C12orf56: variants seen among roughly 807,000 people sequenced by gnomAD.
The protein encoded by C12orf56 is uncharacterized protein C12orf56.
C12orf56 carries 71 observed loss-of-function variants against 69.9 expected under a neutral mutation model. That is an observed-to-expected ratio of 1.02 (90% CI 0.84 to 1.24). The LOEUF (loss-of-function observed/expected upper bound fraction) is 1.24. C12orf56 is among the 50% of genes most tolerant of loss of function. C12orf56 has a pLI of 0.00. For missense variants in C12orf56, 732 were observed against 738.5 expected (o/e 0.99, Z 0.10); for synonymous variants, 276 against 274.1 (o/e 1.01, Z -0.07).
chr12:64,341,667 C>A (rs1222743905), intron 2 of C12orf56, among the ~76,000 whole-genome samples: 1 of 152,136 alleles, frequency 6.6e-6, no homozygotes, highest in Non-Finnish European at 1.5e-5. Context: ...GCATTGAGTG[C>A]AGGATAGGCA....
intron 3 of C12orf56, among the ~76,000 whole-genome samples, chr12:64,325,310 G>A (rs1399885206): frequency 6.6e-6 from 1 of 150,888 alleles, no homozygotes; most frequent in African/African-American, 2.4e-5. Flanking sequence ...GCTTTAGTGA[G>A]CCATAATCAC....
At chr12:64,289,149 T>G (rs1217065227) in intron 6 of C12orf56, among the ~76,000 whole-genome samples, 4 of 125,430 alleles carry the variant, frequency 3.2e-5, no homozygotes, top group South Asian at 5.7e-4. Context: ...TGGCTCTCTG[T>G]TTGTCTGTTG....
chr12:64,313,133 G>A (rs895311758), intron 4 of C12orf56, among the ~76,000 whole-genome samples: 6 of 151,272 alleles, frequency 4.0e-5, no homozygotes, highest in African/African-American at 1.5e-4. Flanking sequence ...ATGGTGGCAG[G>A]TGCCTGTAGT....
chr12:64,363,809 T>C (rs1340654618), intron 1 of C12orf56, among the ~76,000 whole-genome samples: 1 of 152,168 alleles, frequency 6.6e-6, no homozygotes, highest in Non-Finnish European at 1.5e-5. Flanking sequence ...TCACCTTTAA[T>C]CCCCTGACCT....
Position 64,352,842 on chromosome 12 carries a change from A to G in C12orf56, c.415+52T>C, listed in dbSNP as rs2039248169. On this transcript the variant is annotated intron_variant, in intron 2 of 12. Coordinates refer to ENST00000543942, the MANE Select transcript of C12orf56 (RefSeq NM_001170633.2). ...CCTGCATCAATTTTAAGAAATATAT[A>G]TATATACTTTTTTTTTTGCCTTAGA... 3.4e-6 allele frequency: 5 copies of G among 1,459,470 alleles called. No individual in the cohort carries two copies. The East Asian group carries it at 7.3e-5, about 21-fold the overall frequency. The allele number at this position is 1,459,470 out of a possible 1,614,324, so 90.4% of individuals were successfully genotyped here. A position where few individuals can be genotyped will look rare whatever the true frequency, so the allele number is the denominator to read the frequency against.
rs2038505883 is a variant in C12orf56, at chr12:64,305,910, G to T, written c.969-2131C>A. Among the ~76,000 whole-genome samples, 5 of 152,242 alleles carry T rather than the reference G, an allele frequency of 3.3e-5. No homozygotes were observed. The South Asian group carries it at 1.0e-3, about 32-fold the overall frequency. On this transcript the variant is annotated intron_variant, in intron 5 of 12. Coordinates refer to ENST00000543942, the MANE Select transcript of C12orf56 (RefSeq NM_001170633.2). ...AACAAAAGAGCTTAGAAAAGCAAAA[G>T]CTCAGATAAGATACAATATCAGCAG... is the stretch of plus-strand genomic sequence containing the variant.
intron 9 of C12orf56, among the ~76,000 whole-genome samples, chr12:64,276,179 C>T (rs2038048997): frequency 6.6e-6 from 1 of 152,146 alleles, no homozygotes; most frequent in African/African-American, 2.4e-5. Flanking sequence ...ATTTACTCAA[C>T]AAATATGCAT....
intron 4 of C12orf56, among the ~76,000 whole-genome samples, chr12:64,315,080 T>A (rs951757152): frequency 4.0e-5 from 6 of 149,008 alleles, no homozygotes; most frequent in African/African-American, 1.5e-4. Context: ...GCTTCCTGAG[T>A]AACTGGGATT....
At chr12:64,331,125 T>G (rs2038924952) in intron 2 of C12orf56, 93 bp from the exon 3 acceptor site, 1 of 1,079,436 alleles carries the variant, frequency 9.3e-7, no homozygotes, top group East Asian at 2.7e-5. Flanking sequence ...AAATGACTGT[T>G]CATAAATCCT....
chr12:64,337,592 C>A (rs2039012497), intron 2 of C12orf56, among the ~76,000 whole-genome samples: 1 of 152,198 alleles, frequency 6.6e-6, no homozygotes, highest in Admixed American at 6.5e-5. Context: ...CACAGTGGCT[C>A]ATGCCTGTAA....
chr12:64,286,519 G>C (rs555220393), intron 6 of C12orf56, among the ~76,000 whole-genome samples: 2 of 152,342 alleles, frequency 1.3e-5, no homozygotes, highest in South Asian at 4.1e-4. Context: ...CTAGCTTATG[G>C]AAATGGTGCA....
rs143307753 is a variant in C12orf56, at chr12:64,319,275, C to A, written c.489-295G>T. Among the ~76,000 whole-genome samples, 7 of 152,212 alleles carry A rather than the reference C, an allele frequency of 4.6e-5. No individual in the cohort carries two copies. In the East Asian group the frequency reaches 1.4e-3, roughly 29 times the overall value. On this transcript the variant is annotated intron_variant, in intron 3 of 12. Transcript: ENST00000543942. The stretch of plus-strand genomic sequence containing the variant: ...AGTATTGTGCCTGTCCTTCATGGAG[C>A]CCTGATATTTCCACTGAAAGGACTT...
intron 1 of C12orf56, among the ~76,000 whole-genome samples, chr12:64,365,612 C>A (rs2039456264): frequency 6.7e-6 from 1 of 150,032 alleles, no homozygotes; most frequent in Non-Finnish European, 1.5e-5. Context: ...GCACAAAATA[C>A]AAAACAGCAG....
At position 64,267,615 on chromosome 12, in the gene C12orf56, C is replaced by T. The variant is rs2037932843; in HGVS notation, c.1764-327G>A. On this transcript the variant is annotated intron_variant, in intron 12 of 12. Coordinates refer to ENST00000543942, the MANE Select transcript of C12orf56 (RefSeq NM_001170633.2). ...GAGGTGTTGAAATGAAAGGGTCAAGCTGTGGTGACTACTAGGGCCAAGTCA... is the reference window on the plus strand; with the variant it reads ...GAGGTGTTGAAATGAAAGGGTCAAGTTGTGGTGACTACTAGGGCCAAGTCA... 4.7e-5 allele frequency: 12 copies of T among 252,960 alleles called. No individual in the cohort carries two copies. In the South Asian group the frequency reaches 7.0e-4, roughly 15 times the overall value. The allele number at this position is 252,960 out of a possible 1,614,324, so 15.7% of individuals were successfully genotyped here.
chr12:64,270,578 G>A lies in C12orf56; in HGVS notation c.1721C>T (p.Thr574Ile). The A allele has an allele frequency of 1.2e-6, 2 of 1,611,960 alleles. No individual in the cohort carries two copies. Reference protein sequence around the residue: ...ILKSCLRHSRTLAEYIRNNYR... With the variant: ...ILKSCLRHSRILAEYIRNNYR... ...GTTATTCCTAATATACTCAGCTAGA[G>A]TCCTGCTGTGCCGCAGACAGCTCTT... is the stretch of plus-strand genomic sequence containing the variant. Residue 574 changes from threonine (T) to isoleucine (I), a missense_variant, in exon 12 of 13, where the codon ACT becomes ATT. By Grantham distance (89) the Thr-to-Ile change is moderately conservative. Coordinates refer to ENST00000543942, the MANE Select transcript of C12orf56 (RefSeq NM_001170633.2).
Position 64,390,427 on chromosome 12 carries a change from T to TCTCA in C12orf56, c.135_138dup (p.Asn47Ter). On this transcript the variant is annotated stop_gained and frameshift_variant, in exon 1 of 13. Coordinates refer to ENST00000543942, the MANE Select transcript of C12orf56 (RefSeq NM_001170633.2). LOFTEE classifies it high-confidence loss of function. ...AGCACCACATACTTGAGGATGTGGT[T>TCTCA]CTCAGAGTTGGACACCACGATGCAT... 6.2e-7 allele frequency: 1 copy of TCTCA among 1,612,632 alleles called. No individual in the cohort carries two copies. Among genetic ancestry groups the TCTCA allele is most frequent in the South Asian group, 1.1e-5 (1 of 91,076 alleles).
In C12orf56 at chr12:64,380,104, CAAA is replaced by C. The variant is rs60079906; in HGVS notation, c.252+10207_252+10209del. 1.2e-3 allele frequency among the ~76,000 whole-genome samples: 59 copies of C among 49,954 alleles called. 1 individual carries two copies. Among genetic ancestry groups the C allele is most frequent in the African/African-American group, 5.5e-3 (49 of 8,900 alleles). The allele number at this position is 49,954 out of a possible 152,430, so 32.8% of individuals were successfully genotyped here. A position where few individuals can be genotyped will look rare whatever the true frequency, so the allele number is the denominator to read the frequency against. The stretch of plus-strand genomic sequence containing the variant: ...TGGGCGACAGAGCAAGACTCCGTCG[CAAA>C]AAAAAAAAAAAAAAAAAAAAAAAAA... On this transcript the variant is annotated intron_variant, in intron 1 of 12. Coordinates refer to ENST00000543942, the MANE Select transcript of C12orf56 (RefSeq NM_001170633.2).
intron 1 of C12orf56, among the ~76,000 whole-genome samples, chr12:64,357,846 G>A (rs1419174002): frequency 1.3e-5 from 2 of 151,856 alleles, no homozygotes; most frequent in Non-Finnish European, 1.5e-5. Context: ...GCTGCAGTGA[G>A]CCAAGACTGC....
intron 8 of C12orf56, among the ~76,000 whole-genome samples, chr12:64,278,018 C>T (rs982553006): frequency 6.6e-6 from 1 of 151,984 alleles, no homozygotes; most frequent in African/African-American, 2.4e-5. Context: ...TGGCTCAGAG[C>T]GAGTGTAGTT....
Sources: gnomAD v4.1 joint callset for allele counts (sites outside exome capture counted in the v4.1 genomes callset) on GRCh38, gnomAD v4.1.1 for gene constraint, MANE v1.5 for transcripts, NCBI Gene and HGNC (gene_info 2026-07-23, HGNC 2026-07-21) for gene names.